Variants in CCDC141 observed in about 807,000 individuals in gnomAD.
CCDC141 encodes coiled-coil domain containing 141.
Under a neutral mutation model 181.0 loss-of-function variants are expected in CCDC141, and 168 were observed. That is an observed-to-expected ratio of 0.93 (90% CI 0.82 to 1.05). The LOEUF is 1.05. Among genes scored for constraint, CCDC141 ranks in the 50% least tolerant of loss-of-function variants. The pLI is 0.00. For synonymous variants in CCDC141, 666 were observed against 642.3 expected (o/e 1.04, Z -0.56); for missense variants, 1,902 against 1,788.5 (o/e 1.06, Z -1.14).
At chr2:178,845,572 CTT>C (rs1223509087) in intron 22 of CCDC141, 52 bp downstream of exon 22, 77 of 971,296 alleles carry the variant, frequency 7.9e-5, no homozygotes, top group Non-Finnish European at 1.2e-4. Context: ...TGGACAATGA[CTT>C]TAACCTCAAA....
Position 179,047,322 on chromosome 2 carries a change from G to GT in CCDC141, c.186dup (p.Leu63ThrfsTer4), listed in dbSNP as rs1416784611. 5 of 1,543,788 alleles carry GT rather than the reference G, an allele frequency of 3.2e-6. No individual in the cohort carries two copies. The highest frequency in any genetic ancestry group is 4.4e-6 in the Non-Finnish European group (5 of 1,145,248). On this transcript the variant is annotated frameshift_variant, in exon 2 of 24. Coordinates refer to ENST00000443758, the MANE Select transcript of CCDC141 (RefSeq NM_173648.4). LOFTEE classifies it high-confidence loss of function. Reference sequence around the variant, plus strand: ...AAAAGAAGTTCATGATCATGAAGAAGTTTTTTGGTTTCATCTTGACTGCTG... The same window carrying GT: ...AAAAGAAGTTCATGATCATGAAGAAGTTTTTTTGGTTTCATCTTGACTGCTG...
intron 6 of CCDC141, among the ~76,000 whole-genome samples, chr2:178,940,281 C>T (rs965119544): frequency 6.6e-6 from 1 of 152,056 alleles, no homozygotes; most frequent in Non-Finnish European, 1.5e-5. Flanking sequence ...ACATCATCTA[C>T]GTAATACAAC....
At chr2:178,932,068 A>G (rs895319067) in intron 6 of CCDC141, among the ~76,000 whole-genome samples, 2 of 152,194 alleles carry the variant, frequency 1.3e-5, no homozygotes, top group Admixed American at 1.3e-4. Context: ...CTGAGGCAAG[A>G]GAATTGCTTG....
chr2:178,899,873 A>G (rs1375789246), intron 8 of CCDC141, among the ~76,000 whole-genome samples: 1 of 152,204 alleles, frequency 6.6e-6, no homozygotes, highest in Non-Finnish European at 1.5e-5. Flanking sequence ...CATTGAGCAC[A>G]TAAATTATTA....
intron 12 of CCDC141, chr2:178,874,296 T>G (rs942465725): frequency 1.3e-5 from 2 of 152,200 alleles, no homozygotes; most frequent in Non-Finnish European, 1.5e-5. Flanking sequence ...AGGAACTTAT[T>G]TATCATATGA....
chr2:178,860,969 GC>G (rs1320714760), intron 17 of CCDC141, among the ~76,000 whole-genome samples: 1 of 152,060 alleles, frequency 6.6e-6, no homozygotes, highest in African/African-American at 2.4e-5. Context: ...CAGTCATTTT[GC>G]AGATGTTAAA....
chr2:179,015,580 T>TATATATCTC (rs1559050162), intron 2 of CCDC141, among the ~76,000 whole-genome samples: 3,406 of 82,044 alleles, frequency 0.042, 695 homozygotes, highest in Middle Eastern at 0.1. Context: ...ATATATCTCA[T>TATATATCTC]ATATATCTCA....
chr2:179,006,377 T>C (rs1274515817), intron 2 of CCDC141, among the ~76,000 whole-genome samples: 2 of 152,118 alleles, frequency 1.3e-5, no homozygotes, highest in Non-Finnish European at 2.9e-5. Context: ...ACAAACTCCC[T>C]GAGAAAAAAA....
intron 2 of CCDC141, among the ~76,000 whole-genome samples, chr2:179,036,523 T>G (rs530911112): frequency 1.3e-5 from 2 of 152,290 alleles, no homozygotes; most frequent in Admixed American, 1.3e-4. Context: ...TTCTAGTCAC[T>G]GGAAATGAAC....
At chr2:178,952,171 C>G (rs768511092) in intron 5 of CCDC141, among the ~76,000 whole-genome samples, 3 of 152,114 alleles carry the variant, frequency 2.0e-5, no homozygotes, top group Non-Finnish European at 4.4e-5. Context: ...CTGTTCATAT[C>G]AGAACATTTT....
chr2:179,022,363 T>C (rs1280414473), intron 2 of CCDC141, among the ~76,000 whole-genome samples: 1 of 151,998 alleles, frequency 6.6e-6, no homozygotes, highest in African/African-American at 2.4e-5. Context: ...GCTAGAACAA[T>C]AGGAAGTTTT....
chr2:178,908,953 C>T (rs1274989900), intron 7 of CCDC141, among the ~76,000 whole-genome samples: 5 of 152,256 alleles, frequency 3.3e-5, no homozygotes, highest in African/African-American at 4.8e-5. Context: ...TGATTGAGCC[C>T]ATCTTTAAAA....
intron 2 of CCDC141, among the ~76,000 whole-genome samples, chr2:179,005,314 T>TA (rs5836667): frequency 0.86 from 129,548 of 150,710 alleles, 56,520 homozygotes; most frequent in Non-Finnish European, 0.94. Context: ...TTGGAGAATT[T>TA]AAAAAAAAAG....
chr2:179,005,395 T>C (rs1446072198), intron 2 of CCDC141, among the ~76,000 whole-genome samples: 1 of 152,118 alleles, frequency 6.6e-6, no homozygotes, highest in Admixed American at 6.5e-5. Context: ...TTATAATGTA[T>C]ATATTACAGG....
At chr2:178,911,718 G>A (rs1294027974) in intron 7 of CCDC141, among the ~76,000 whole-genome samples, 3 of 152,086 alleles carry the variant, frequency 2.0e-5, no homozygotes, top group East Asian at 1.9e-4. Context: ...TCATTCATCC[G>A]ACAAAAGTTT....
intron 6 of CCDC141, among the ~76,000 whole-genome samples, chr2:178,934,763 T>C (rs1575235823): frequency 6.6e-6 from 1 of 152,168 alleles, no homozygotes; most frequent in South Asian, 2.1e-4. Context: ...CTTCCTGCTG[T>C]TGAATTGAGC....
intron 17 of CCDC141, among the ~76,000 whole-genome samples, chr2:178,858,033 CT>C (rs1355764960): frequency 2.0e-5 from 3 of 152,124 alleles, no homozygotes; most frequent in African/African-American, 7.2e-5. Flanking sequence ...ATTTTTGCAT[CT>C]GATACACATA....
rs76561045 is a variant in CCDC141, at chr2:178,961,679, G to A, written c.527-196C>T. 0.021 allele frequency among the ~76,000 whole-genome samples: 3,212 copies of A among 152,256 alleles called. 90 individuals carry two copies. Among genetic ancestry groups the A allele is most frequent in the East Asian group, 0.13 (678 of 5,184 alleles). On this transcript the variant is annotated intron_variant, in intron 4 of 23. Transcript: ENST00000443758. ...AAAAAACTGGTCAAACACCTTAGCCGAACAATTGTGATAGTGCTAACTGCC... is the reference window on the plus strand; with the variant it reads ...AAAAAACTGGTCAAACACCTTAGCCAAACAATTGTGATAGTGCTAACTGCC...
intron 2 of CCDC141, among the ~76,000 whole-genome samples, chr2:178,982,506 C>G (rs936982956): frequency 4.6e-5 from 7 of 152,194 alleles, no homozygotes; most frequent in Admixed American, 2.0e-4. Flanking sequence ...AGCTCCCAGC[C>G]TGAGCGACGC....
Sources: allele counts gnomAD v4.1 joint callset (sites outside exome capture counted in the v4.1 genomes callset), GRCh38; gene constraint gnomAD v4.1.1; transcripts MANE v1.5; gene names NCBI Gene and HGNC (gene_info 2026-07-23, HGNC 2026-07-21).